RABL6: variants seen among roughly 807,000 people sequenced by gnomAD.
The protein encoded by RABL6 is rab-like protein 6.
A neutral mutation model predicts 72.9 loss-of-function variants in RABL6; 28 were observed. The observed-to-expected ratio is 0.38, with a 90% CI of 0.28 to 0.53. The LOEUF is 0.53. Ranked by LOEUF, RABL6 falls within the 20% of genes least tolerant of loss-of-function variation. The pLI, the probability that RABL6 is intolerant of heterozygous loss-of-function variation, is 0.80. For missense variants in RABL6, 1,029 were observed against 1,008.4 expected, an observed-to-expected ratio of 1.02 and a Z score of -0.28; for synonymous variants, 477 against 421.2, an observed-to-expected ratio of 1.13 and a Z score of -1.62.
intron 1 of RABL6, among the ~76,000 whole-genome samples, chr9:136,819,334 A>G (rs1848191170): frequency 6.6e-6 from 1 of 151,862 alleles, no homozygotes; most frequent in African/African-American, 2.4e-5. Flanking sequence ...GAAAAAAAAA[A>G]AAAAAAAAAG....
At chr9:136,810,687 A>G (rs749627654) in intron 1 of RABL6, among the ~76,000 whole-genome samples, 1 of 152,082 alleles carries the variant, frequency 6.6e-6, no homozygotes, top group Non-Finnish European at 1.5e-5. Flanking sequence ...GACTATAGGC[A>G]CCGGCCACCA....
intron 1 of RABL6, chr9:136,822,177 C>G (rs1339784292): frequency 2.8e-6 from 3 of 1,064,664 alleles, no homozygotes; most frequent in South Asian, 1.5e-5. Flanking sequence ...AGCTTGGGGT[C>G]CCCCTGACAG....
At chr9:136,825,678 C>A in intron 2 of RABL6, 101 bp from the exon 3 acceptor site, 1 of 1,290,614 alleles carries the variant, frequency 7.7e-7, no homozygotes, top group Non-Finnish European at 1.1e-6. Context: ...CTGGTGGGAG[C>A]CGGTGGCTGC....
At chr9:136,832,518 A>G (rs1423812398) in intron 7 of RABL6, 148 bp downstream of exon 7, 1 of 751,872 alleles carries the variant, frequency 1.3e-6, no homozygotes, top group Middle Eastern at 3.6e-4. Flanking sequence ...CCAGCGTTCT[A>G]CTGCACCTGC....
Position 136,837,967 on chromosome 9 carries a change from G to C in RABL6, c.1232G>C (p.Arg411Thr). Reference protein sequence around the residue: ...RSFLEDTTPARDEKKVGAKAA... With the variant: ...RSFLEDTTPATDEKKVGAKAA... ...TTCCTGGAAGACACAACCCCCGCCA[G>C]GGACGAGAAGAAGGTGGGGGCCAAG... Residue 411 changes from arginine to threonine, a missense_variant, in exon 10 of 15, where the codon AGG becomes ACG. Coordinates refer to ENST00000311502, the MANE Select transcript of RABL6 (RefSeq NM_024718.5). 1.3e-6 allele frequency: 2 copies of C among 1,569,134 alleles called. No individual in the cohort carries two copies. The highest frequency in any genetic ancestry group is 1.7e-6 in the Non-Finnish European group (2 of 1,157,950).
chr9:136,822,599 C>G (rs575482423), intron 1 of RABL6, among the ~76,000 whole-genome samples: 2 of 152,338 alleles, frequency 1.3e-5, no homozygotes, highest in South Asian at 4.1e-4. Context: ...TCCACCCGTT[C>G]TGAGCCACCT....
At chr9:136,813,958 G>C in intron 1 of RABL6, 1 of 383,500 alleles carries the variant, frequency 2.6e-6, no homozygotes, top group East Asian at 8.4e-5. Context: ...GACTTTGTAA[G>C]GGAGATTTGT....
At chr9:136,814,784 T>A (rs1297774740) in intron 1 of RABL6, 1 of 153,818 alleles carries the variant, frequency 6.5e-6, no homozygotes, top group Non-Finnish European at 1.5e-5. Context: ...GGTTCTGTGC[T>A]TCTCACTCTC....
intron 4 of RABL6, 24 bp from the exon 5 acceptor site, chr9:136,829,367 TCA>T: frequency 6.5e-7 from 1 of 1,544,514 alleles, no homozygotes; most frequent in Non-Finnish European, 8.8e-7. Context: ...TGGGCCAGTC[TCA>T]CACCTGTTCC....
At chr9:136,821,030 G>A (rs1260794210) in intron 1 of RABL6, among the ~76,000 whole-genome samples, 4 of 152,174 alleles carry the variant, frequency 2.6e-5, no homozygotes, top group Non-Finnish European at 5.9e-5. Flanking sequence ...ACTCTCCGAC[G>A]TTCTGCAGAA....
rs1291000032 is a variant in RABL6, at chr9:136,839,868, G to A, written c.1930+3G>A. ...ACCCAAGGAGAGCAGTGAGGAAGGT[G>A]GGTGGGGGCACCAGAGTGCGGTCAG... On this transcript the variant is annotated splice_donor_region_variant and intron_variant, in intron 13 of 14. Coordinates refer to ENST00000311502, the MANE Select transcript of RABL6 (RefSeq NM_024718.5). The A allele has an allele frequency of 3.7e-6, 6 of 1,610,874 alleles. No individual in the cohort carries two copies.
At chr9:136,823,292 G>GC (rs1269772742) in intron 1 of RABL6, among the ~76,000 whole-genome samples, 2 of 152,054 alleles carry the variant, frequency 1.3e-5, no homozygotes, top group African/African-American at 4.8e-5. Context: ...TGCCCCCTGG[G>GC]CCCGGTTCGC....
chr9:136,828,177 C>A, intron 3 of RABL6: 1 of 285,876 alleles, frequency 3.5e-6, no homozygotes, highest in Non-Finnish European at 6.7e-6. Context: ...GGGGCCCTTC[C>A]TTCAGCAGCA....
intron 13 of RABL6, 131 bp from the exon 14 acceptor site, chr9:136,840,023 G>A: frequency 7.4e-6 from 11 of 1,484,520 alleles, no homozygotes; most frequent in Non-Finnish European, 1.0e-5. Context: ...TTGCAGTGTG[G>A]TCCTGTCCAT....
In RABL6 at chr9:136,839,038, G is replaced by C. The variant is rs180688035; in HGVS notation, c.1410G>C (p.Ser470=). ...TCCCCAGTCAAGACATCACTCTTTC[G>C]AGTGAGGAGGAAGCAGAAGTGGCAG... is the stretch of plus-strand genomic sequence containing the variant. ...GPVPSQDITL[S]SEEEAEVAAP... Residue 470 remains serine, a synonymous_variant, in exon 11 of 15, where the codon TCG becomes TCC. Transcript: ENST00000311502. 5.0e-6 allele frequency: 8 copies of C among 1,612,524 alleles called. No homozygotes were observed. The highest frequency in any genetic ancestry group is 1.1e-5 in the South Asian group (1 of 91,060).
At chr9:136,836,986 G>A (rs988465173) in intron 8 of RABL6, 1 of 393,154 alleles carries the variant, frequency 2.5e-6, no homozygotes, top group African/African-American at 2.1e-5. Context: ...CCATTCTCCT[G>A]CCTCAGCCTC....
chr9:136,816,093 GAAA>G (rs944618303), intron 1 of RABL6, among the ~76,000 whole-genome samples: 1 of 151,920 alleles, frequency 6.6e-6, no homozygotes, highest in Non-Finnish European at 1.5e-5. Flanking sequence ...ACCAGCAGGA[GAAA>G]AAAAAGATTC....
At chr9:136,828,388 G>T in intron 3 of RABL6, 106 bp from the exon 4 acceptor site, 1 of 1,150,330 alleles carries the variant, frequency 8.7e-7, no homozygotes, top group Admixed American at 2.0e-5. Context: ...GTGGAGTAGA[G>T]CACCCGCTGG....
Position 136,810,992 on chromosome 9 carries a change from G to A in RABL6, c.130+2666G>A, listed in dbSNP as rs114226091. ...CTCCTCCTGGGCCCTGCATTTGCTC[G>A]GAGTTGCTAGTGGTCCCGGTAGACG... is the stretch of plus-strand genomic sequence containing the variant. On this transcript the variant is annotated intron_variant, in intron 1 of 14. Transcript: ENST00000311502. 1.7e-3 allele frequency among the ~76,000 whole-genome samples: 253 copies of A among 152,322 alleles called. 1 individual carries two copies. The highest frequency in any genetic ancestry group is 5.5e-3 in the African/African-American group (228 of 41,572).
Sources: gnomAD v4.1 joint callset for allele counts (sites outside exome capture counted in the v4.1 genomes callset) on GRCh38, gnomAD v4.1.1 for gene constraint, MANE v1.5 for transcripts, NCBI Gene and HGNC (gene_info 2026-07-23, HGNC 2026-07-21) for gene names.